CLDN22: variants seen among roughly 807,000 people sequenced by gnomAD.
CLDN22 encodes the protein claudin 22, also known as claudin-22.
For synonymous variants in CLDN22, 86 were observed against 107.9 expected, an observed-to-expected ratio of 0.80 and a Z score of 1.26; for missense variants, 227 against 252.2, an observed-to-expected ratio of 0.90 and a Z score of 0.68.
At position 183,319,870 on chromosome 4, in the gene CLDN22, G is replaced by A. The variant is rs376068009; in HGVS notation, c.349C>T (p.Arg117Ter). 1.5e-5 allele frequency: 25 copies of A among 1,613,764 alleles called. No homozygotes were observed. Among genetic ancestry groups the A allele is most frequent in the Middle Eastern group, 3.3e-4 (2 of 6,080 alleles). The change falls in exon 1 of 1, where the codon CGA becomes TGA. Residue 117 changes from arginine to a stop codon, truncating the protein, a stop_gained. Coordinates refer to ENST00000323319, the MANE Select transcript of CLDN22 (RefSeq NM_001111319.3). LOFTEE classifies it low-confidence loss of function (END_TRUNC). The stretch of plus-strand genomic sequence containing the variant: ...AGAATTCCTCCCAGGATCAGCAGTC[G>A]CCTCTTGAGATCTCTCTGACTCTCT... ...IGESQRDLKR[R>*]LLILGGILSW...
rs1192723804 is a variant in CLDN22 at position 183,319,670 on chromosome 4, G to A, written c.549C>T (p.Leu183=). The A allele has an allele frequency of 3.7e-6, 6 of 1,614,164 alleles. No homozygotes were observed. In the Admixed American group the frequency reaches 1.0e-4, roughly 27 times the overall value. The change falls in exon 1 of 1, where the codon CTC becomes CTT. Residue 183 remains leucine, a synonymous_variant. Transcript: ENST00000323319. ...CGTGGCTGGAGCAGGCTGCACAGTG[G>A]AGCAGACACCCTCCTAGCAGAAGAG... is the stretch of plus-strand genomic sequence containing the variant. ...GLSLLLGGCL[L]HCAACSSHAP...
chr4:183,320,085 T>C lies in CLDN22; in HGVS notation c.134A>G (p.Asn45Ser). The change falls in exon 1 of 1, where the codon AAC becomes AGC. Residue 45 changes from asparagine (N) to serine (S), a missense_variant. Asn to Ser is a conservative substitution (Grantham distance 46). Transcript: ENST00000323319. ...NLNLDLNEME[N>S]WTMGLWQTCV... ...GGTTTGCCAGAGTCCCATGGTCCAG[T>C]TTTCCATTTCATTTAAGTCCAGGTT... is the stretch of plus-strand genomic sequence containing the variant. The C allele has an allele frequency of 6.2e-7, 1 of 1,614,064 alleles. No homozygotes were observed. Among genetic ancestry groups the C allele is most frequent in the Non-Finnish European group, 8.5e-7 (1 of 1,180,024 alleles).
Position 183,318,273 on chromosome 4 carries a change from A to G in CLDN22, c.*1283T>C, listed in dbSNP as rs1388493216. 2 of 152,680 alleles carry G rather than the reference A, an allele frequency of 1.3e-5. No homozygotes were observed. The highest frequency in any genetic ancestry group is 4.8e-5 in the African/African-American group (2 of 41,474). 9.5% of individuals were successfully genotyped at this position (152,680 alleles called of 1,614,324 possible). On this transcript the variant is annotated 3_prime_UTR_variant, in exon 1 of 1. Coordinates refer to ENST00000323319, the MANE Select transcript of CLDN22 (RefSeq NM_001111319.3). ...CAAAGTTTAGCTAAATCTCTGTAGC[A>G]TGCAAATCAAATAAATTAAAATTTT...
chr4:183,318,572 CT>C lies in CLDN22; in HGVS notation c.*983del, dbSNP rs1422445694. 6.6e-6 allele frequency: 1 copy of C among 152,322 alleles called. No individual in the cohort carries two copies. The highest frequency in any genetic ancestry group is 2.4e-5 in the African/African-American group (1 of 41,354). The allele number at this position is 152,322 out of a possible 1,614,324, so 9.4% of individuals were successfully genotyped here. A position where few individuals can be genotyped will look rare whatever the true frequency, so the allele number is the denominator to read the frequency against. On this transcript the variant is annotated 3_prime_UTR_variant, in exon 1 of 1. Coordinates refer to ENST00000323319, the MANE Select transcript of CLDN22 (RefSeq NM_001111319.3). ...GTCGTTTATTGTTCAGTTTATTTCCCTGATTGGCACAAACACAAGAGTTTCC... is the reference window on the plus strand; with the variant it reads ...GTCGTTTATTGTTCAGTTTATTTCCCGATTGGCACAAACACAAGAGTTTCC...
Position 183,320,030 on chromosome 4 carries a change from T to C in CLDN22, c.189A>G (p.Gln63=), listed in dbSNP as rs574928996. 6.2e-7 allele frequency: 1 copy of C among 1,613,982 alleles called. No individual in the cohort carries two copies. Among genetic ancestry groups the C allele is most frequent in the Non-Finnish European group, 8.5e-7 (1 of 1,179,900 alleles). The change falls in exon 1 of 1, where the codon CAA becomes CAG. Residue 63 remains glutamine (Q), a synonymous_variant. Transcript: ENST00000323319. ...CCAGGAAGGAGTCAAAGTCCTTGCA[T>C]TGCATCCCCACTTCCTCTTGGATGA... ...TCVIQEEVGM[Q]CKDFDSFLAL...
At position 183,318,952 on chromosome 4, in the gene CLDN22, T is replaced by G. The variant is rs1233887475; in HGVS notation, c.*604A>C. The G allele has an allele frequency of 6.6e-6, 1 of 152,352 alleles. No homozygotes were observed. The highest frequency in any genetic ancestry group is 1.5e-5 in the Non-Finnish European group (1 of 68,172). 9.4% of individuals were successfully genotyped at this position (152,352 alleles called of 1,614,324 possible). A position where few individuals can be genotyped will look rare whatever the true frequency, so the allele number is the denominator to read the frequency against. ...GCACGTTTGTGTGGCAGAGTCTACT[T>G]GAATCATCCAAAACCCAAGATCGCC... On this transcript the variant is annotated 3_prime_UTR_variant, in exon 1 of 1. Transcript: ENST00000323319.
In CLDN22 at chr4:183,319,302, A is replaced by C; in HGVS notation, c.*254T>G. 2.4e-6 allele frequency: 1 copy of C among 417,848 alleles called. No homozygotes were observed. The highest frequency in any genetic ancestry group is 4.2e-6 in the Non-Finnish European group (1 of 237,152). The allele number at this position is 417,848 out of a possible 1,614,324, so 25.9% of individuals were successfully genotyped here. ...ATGTTTTATTTACCACTTCTGTGCA[A>C]TCGCTATTTTAAAATTGAGAAAACT... On this transcript the variant is annotated 3_prime_UTR_variant, in exon 1 of 1. Transcript: ENST00000323319.
chr4:183,319,511 G>A lies in CLDN22; in HGVS notation c.*45C>T. ...AGCGGGACATCCTACCAAATCCAGT[G>A]TTGAGCAAGCGTCTCCTGAACAGCA... On this transcript the variant is annotated 3_prime_UTR_variant, in exon 1 of 1. Coordinates refer to ENST00000323319, the MANE Select transcript of CLDN22 (RefSeq NM_001111319.3). 6.5e-7 allele frequency: 1 copy of A among 1,534,074 alleles called. No individual in the cohort carries two copies. Among genetic ancestry groups the A allele is most frequent in the Non-Finnish European group, 8.8e-7 (1 of 1,139,852 alleles).
chr4:183,319,269 A>ACCC lies in CLDN22; in HGVS notation c.*286_*287insGGG, dbSNP rs1268626522. ...ATGAATAATACCTTCAAAGATACAT[A>ACCC]GAGATTAATGTTTTATTTACCACTT... is the stretch of plus-strand genomic sequence containing the variant. On this transcript the variant is annotated 3_prime_UTR_variant, in exon 1 of 1. Transcript: ENST00000323319. The ACCC allele has an allele frequency of 4.5e-5, 14 of 313,862 alleles. No homozygotes were observed. The highest frequency in any genetic ancestry group is 9.5e-4 in the Middle Eastern group (1 of 1,058). 19.4% of individuals were successfully genotyped at this position (313,862 alleles called of 1,614,324 possible). A position where few individuals can be genotyped will look rare whatever the true frequency, so the allele number is the denominator to read the frequency against.
At position 183,319,621 on chromosome 4, in the gene CLDN22, C is replaced by G; in HGVS notation, c.598G>C (p.Ala200Pro). Residue 200 changes from alanine (A) to proline (P), a missense_variant, in exon 1 of 1, where the codon GCA (alanine) becomes CCA (proline). By Grantham distance (27) the Ala-to-Pro change is conservative. Transcript: ENST00000323319. ...SHAPLASGHY[A>P]VAQTQDHHQE... ...TGATGATCTTGTGTTTGTGCCACTG[C>G]GTAGTGGCCCGAAGCTAGGGGAGCG... 6.2e-7 allele frequency: 1 copy of G among 1,614,060 alleles called. No individual in the cohort carries two copies. The highest frequency in any genetic ancestry group is 1.1e-5 in the South Asian group (1 of 91,066).
At position 183,318,223 on chromosome 4, in the gene CLDN22, A is replaced by G. The variant is rs1739503007; in HGVS notation, c.*1333T>C. 6.6e-6 allele frequency: 1 copy of G among 152,634 alleles called. No individual in the cohort carries two copies. The highest frequency in any genetic ancestry group is 1.5e-5 in the Non-Finnish European group (1 of 68,016). The allele number at this position is 152,634 out of a possible 1,614,324, so 9.5% of individuals were successfully genotyped here. ...CAGAATCTTAAGTGTTACAGGTACA[A>G]AAAGAATATTGCTAGCCAAATGAAC... On this transcript the variant is annotated 3_prime_UTR_variant, in exon 1 of 1. Transcript: ENST00000323319.
In CLDN22 at chr4:183,319,473, G is replaced by T; in HGVS notation, c.*83C>A. 1 of 1,357,440 alleles carries T rather than the reference G, an allele frequency of 7.4e-7. No homozygotes were observed. The highest frequency in any genetic ancestry group is 1.0e-6 in the Non-Finnish European group (1 of 991,466). The allele number at this position is 1,357,440 out of a possible 1,614,324, so 84.1% of individuals were successfully genotyped here. A position where few individuals can be genotyped will look rare whatever the true frequency, so the allele number is the denominator to read the frequency against. On this transcript the variant is annotated 3_prime_UTR_variant, in exon 1 of 1. Transcript: ENST00000323319. ...TGCATTTTCAAAAATCAAAAGCACA[G>T]TGAGATGACTAGAGCGGGACATCCT...
chr4:183,318,695 C>A lies in CLDN22; in HGVS notation c.*861G>T, dbSNP rs1231122784. ...GTTCTTGTTGGAACTATATGTATTG[C>A]TGATAAAAAAGGACGAAGTATTTTC... is the stretch of plus-strand genomic sequence containing the variant. On this transcript the variant is annotated 3_prime_UTR_variant, in exon 1 of 1. Coordinates refer to ENST00000323319, the MANE Select transcript of CLDN22 (RefSeq NM_001111319.3). 4 of 152,112 alleles carry A rather than the reference C, an allele frequency of 2.6e-5. No individual in the cohort carries two copies. Among genetic ancestry groups the A allele is most frequent in the Non-Finnish European group, 5.9e-5 (4 of 68,018 alleles). 9.4% of individuals were successfully genotyped at this position (152,112 alleles called of 1,614,324 possible).
At position 183,318,551 on chromosome 4, in the gene CLDN22, T is replaced by C. The variant is rs1739521028; in HGVS notation, c.*1005A>G. 6.6e-6 allele frequency: 1 copy of C among 152,266 alleles called. No individual in the cohort carries two copies. Among genetic ancestry groups the C allele is most frequent in the Non-Finnish European group, 1.5e-5 (1 of 67,964 alleles). The allele number at this position is 152,266 out of a possible 1,614,324, so 9.4% of individuals were successfully genotyped here. On this transcript the variant is annotated 3_prime_UTR_variant, in exon 1 of 1. Transcript: ENST00000323319. ...TGCCTAATACTCTATTTCAGTGTCGTTTATTGTTCAGTTTATTTCCCTGAT... is the reference window on the plus strand; with the variant it reads ...TGCCTAATACTCTATTTCAGTGTCGCTTATTGTTCAGTTTATTTCCCTGAT...
At position 183,318,874 on chromosome 4, in the gene CLDN22, TG is replaced by T. The variant is rs1365506436; in HGVS notation, c.*681del. 49 of 152,378 alleles carry T rather than the reference TG, an allele frequency of 3.2e-4. No homozygotes were observed. Among genetic ancestry groups the T allele is most frequent in the African/African-American group, 1.2e-3 (49 of 41,542 alleles). The allele number at this position is 152,378 out of a possible 1,614,324, so 9.4% of individuals were successfully genotyped here. A position where few individuals can be genotyped will look rare whatever the true frequency, so the allele number is the denominator to read the frequency against. ...GCCGTGCCCCCCACAGGCTGCTCAG[TG>T]CCTGGGAAGCCAGAAACGCTGCCCG... On this transcript the variant is annotated 3_prime_UTR_variant, in exon 1 of 1. Coordinates refer to ENST00000323319, the MANE Select transcript of CLDN22 (RefSeq NM_001111319.3).
chr4:183,320,000 C>G lies in CLDN22; in HGVS notation c.219G>C (p.Leu73Phe). The change falls in exon 1 of 1, where the codon TTG (leucine) becomes TTC (phenylalanine). Residue 73 changes from leucine (L) to phenylalanine (F), a missense_variant. By Grantham distance (22) the Leu-to-Phe change is conservative (BLOSUM62 0). Coordinates refer to ENST00000323319, the MANE Select transcript of CLDN22 (RefSeq NM_001111319.3). ...TCCTGGAGACCCTGAGTTCAGCAGG[C>G]AAAGCCAGGAAGGAGTCAAAGTCCT... is the stretch of plus-strand genomic sequence containing the variant. Reference protein sequence around the residue: ...QCKDFDSFLALPAELRVSRIL... With the variant: ...QCKDFDSFLAFPAELRVSRIL... 4 of 1,613,840 alleles carry G rather than the reference C, an allele frequency of 2.5e-6. No homozygotes were observed. Among genetic ancestry groups the G allele is most frequent in the Non-Finnish European group, 3.4e-6 (4 of 1,179,812 alleles).
In CLDN22 at chr4:183,319,617, A is replaced by G. The variant is rs766023424; in HGVS notation, c.602T>C (p.Val201Ala). 23 of 1,614,032 alleles carry G rather than the reference A, an allele frequency of 1.4e-5. No homozygotes were observed. In the Middle Eastern group the frequency reaches 5.0e-4, roughly 35 times the overall value. ...TTGATGATGATCTTGTGTTTGTGCC[A>G]CTGCGTAGTGGCCCGAAGCTAGGGG... ...HAPLASGHYA[V>A]AQTQDHHQEL... is the part of the protein sequence containing the mutation. Residue 201 changes from valine (V) to alanine (A), a missense_variant, in exon 1 of 1, where the codon GTG (valine) becomes GCG (alanine). Val to Ala is a moderately conservative substitution (Grantham distance 64). Coordinates refer to ENST00000323319, the MANE Select transcript of CLDN22 (RefSeq NM_001111319.3).
Position 183,320,034 on chromosome 4 carries a change from A to G in CLDN22, c.185T>C (p.Met62Thr). The change falls in exon 1 of 1, where the codon ATG becomes ACG. Residue 62 changes from methionine to threonine, a missense_variant. Transcript: ENST00000323319. ...QTCVIQEEVGMQCKDFDSFLA... is the reference protein window; with the variant it reads ...QTCVIQEEVGTQCKDFDSFLA... ...GAAGGAGTCAAAGTCCTTGCATTGC[A>G]TCCCCACTTCCTCTTGGATGACACA... The G allele has an allele frequency of 6.2e-7, 1 of 1,614,036 alleles. No individual in the cohort carries two copies.
In CLDN22 at chr4:183,318,722, T is replaced by C. The variant is rs191914145; in HGVS notation, c.*834A>G. 1.3e-5 allele frequency: 2 copies of C among 152,222 alleles called. No homozygotes were observed. Among genetic ancestry groups the C allele is most frequent in the Non-Finnish European group, 2.9e-5 (2 of 68,044 alleles). 9.4% of individuals were successfully genotyped at this position (152,222 alleles called of 1,614,324 possible). A position where few individuals can be genotyped will look rare whatever the true frequency, so the allele number is the denominator to read the frequency against. ...GATAAAAAAGGACGAAGTATTTTCA[T>C]TGAGCAAATAAAATGAAGGGCTCCA... On this transcript the variant is annotated 3_prime_UTR_variant, in exon 1 of 1. Transcript: ENST00000323319.
Sources: gnomAD v4.1 joint callset for allele counts on GRCh38, gnomAD v4.1.1 for gene constraint, MANE v1.5 for transcripts, NCBI Gene and HGNC (gene_info 2026-07-23, HGNC 2026-07-21) for gene names.